The following COL27A1 variants were observed in gnomAD, a reference collection of about 807,000 sequenced individuals.
COL27A1 encodes the protein collagen type XXVII alpha 1 chain, also known as collagen alpha-1(XXVII) chain.
COL27A1 carries 106 observed loss-of-function variants against 251.3 expected under a neutral mutation model. The observed-to-expected ratio is 0.42, with a 90% confidence interval of 0.36 to 0.50. The LOEUF (loss-of-function observed/expected upper bound fraction) is 0.50, where lower values mean the gene tolerates loss of function less well. COL27A1 is among the 20% of genes least tolerant of loss of function. The pLI is 0.00. For synonymous variants in COL27A1, 1,000 were observed against 986.3 expected (o/e 1.01, Z -0.26); for missense variants, 2,325 against 2,522.8 (o/e 0.92, Z 1.68).
rs151285311 is a variant in COL27A1, at chr9:114,169,060, G to T, written c.1505G>T (p.Arg502Leu). The T allele has an allele frequency of 3.7e-6, 6 of 1,613,678 alleles. No homozygotes were observed. The African/African-American group carries it at 8.0e-5, about 22-fold the overall frequency. Residue 502 changes from arginine to leucine, a missense_variant, in exon 3 of 61, where the codon CGG becomes CTG. Physicochemically the swap from Arg to Leu is moderately radical, Grantham distance 102 (BLOSUM62 -2). This residue lies in a region of COL27A1 where 1,183 missense variants were observed against 1,144.1 expected (regional missense o/e 1.03). Transcript: ENST00000356083. ...APTPGSTRSTRPPATMVPPTS... is the reference protein window; with the variant it reads ...APTPGSTRSTLPPATMVPPTS... ...ACTCCTGGTTCTACCAGGAGTACTC[G>T]GCCACCAGCCACGATGGTACCTCCA...
At chr9:114,231,917 C>G (rs372666523) in intron 16 of COL27A1, 51 bp downstream of exon 16, 16 of 1,573,592 alleles carry the variant, frequency 1.0e-5, no homozygotes, top group Admixed American at 8.3e-5. Context: ...ATGCCACCCC[C>G]CTCTCCGCCC....
intron 27 of COL27A1, among the ~76,000 whole-genome samples, chr9:114,258,226 G>A (rs561186817): frequency 1.3e-5 from 2 of 152,282 alleles, no homozygotes; most frequent in African/African-American, 4.8e-5. Flanking sequence ...TCTCATTGTT[G>A]ATTTTGAGGA....
At chr9:114,199,644 G>A (rs1829433919) in intron 7 of COL27A1, among the ~76,000 whole-genome samples, 1 of 152,146 alleles carries the variant, frequency 6.6e-6, no homozygotes, top group South Asian at 2.1e-4. Context: ...GCACCTCCAG[G>A]CAGAAGTGAC....
In COL27A1 at chr9:114,168,185, A is replaced by C. The variant is rs773900818; in HGVS notation, c.630A>C (p.Glu210Asp). The change falls in exon 3 of 61, where the codon GAA becomes GAC. Residue 210 changes from glutamate (E) to aspartate (D), a missense_variant. Transcript: ENST00000356083. ...TGAACCCGCATGCAGTCCAGTTTGAAGGTGCTCTCTGCCAGTTCAGTATCT... is the reference window on the plus strand; with the variant it reads ...TGAACCCGCATGCAGTCCAGTTTGACGGTGCTCTCTGCCAGTTCAGTATCT... ...GKMNPHAVQF[E>D]GALCQFSIYP... 1 of 1,613,726 alleles carries C rather than the reference A, an allele frequency of 6.2e-7. No homozygotes were observed. Among genetic ancestry groups the C allele is most frequent in the African/African-American group, 1.3e-5 (1 of 74,930 alleles).
intron 57 of COL27A1, chr9:114,306,231 C>T: frequency 3.4e-6 from 1 of 297,612 alleles, no homozygotes; most frequent in Non-Finnish European, 6.3e-6. Flanking sequence ...GTGTCCCACG[C>T]ACCCTCGCCT....
intron 31 of COL27A1, 41 bp from the exon 32 acceptor site, chr9:114,265,381 G>T: frequency 6.3e-7 from 1 of 1,597,948 alleles, no homozygotes; most frequent in Admixed American, 1.7e-5. Flanking sequence ...GGCAGAGAAG[G>T]CCATGGAGGG....
chr9:114,250,931 C>T (rs1046529210), intron 25 of COL27A1, among the ~76,000 whole-genome samples: 11 of 152,168 alleles, frequency 7.2e-5, no homozygotes, highest in Non-Finnish European at 1.2e-4. Context: ...GGGCTCCTCA[C>T]AGCTGCCTAC....
At chr9:114,304,745 G>C in intron 57 of COL27A1, 72 bp downstream of exon 57, 1 of 1,337,072 alleles carries the variant, frequency 7.5e-7, no homozygotes, top group Non-Finnish European at 1.1e-6. Context: ...GCCCACATGT[G>C]GTCAGTGCCT....
chr9:114,265,529 G>T, intron 32 of COL27A1, 54 bp downstream of exon 32: 1 of 1,549,622 alleles, frequency 6.5e-7, no homozygotes, highest in Non-Finnish European at 8.9e-7. Flanking sequence ...ACCTGGGGGT[G>T]TGGGCCAGGT....
intron 39 of COL27A1, among the ~76,000 whole-genome samples, chr9:114,283,005 G>T (rs1435496986): frequency 3.3e-5 from 5 of 152,234 alleles, no homozygotes; most frequent in Non-Finnish European, 5.9e-5. Flanking sequence ...TTGCTGGGCT[G>T]CTCTGAAGGA....
intron 5 of COL27A1, among the ~76,000 whole-genome samples, chr9:114,192,355 T>C (rs1326679060): frequency 6.6e-6 from 1 of 152,178 alleles, no homozygotes; most frequent in Non-Finnish European, 1.5e-5. Context: ...AGGTCTGGCC[T>C]TGTACCATGG....
At chr9:114,297,534 A>T (rs1009432318) in intron 49 of COL27A1, among the ~76,000 whole-genome samples, 1 of 152,254 alleles carries the variant, frequency 6.6e-6, no homozygotes, top group Non-Finnish European at 1.5e-5. Flanking sequence ...GTTGGAAATC[A>T]ATCAATGTAA....
At chr9:114,220,719 C>T (rs758964056) in intron 13 of COL27A1, among the ~76,000 whole-genome samples, 7 of 152,094 alleles carry the variant, frequency 4.6e-5, no homozygotes, top group Admixed American at 6.5e-5. Flanking sequence ...TGAGGCCGGG[C>T]GCAGTGGCTC....
intron 29 of COL27A1, 74 bp from the exon 30 acceptor site, chr9:114,264,850 G>A: frequency 6.7e-7 from 1 of 1,501,602 alleles, no homozygotes; most frequent in Non-Finnish European, 9.1e-7. Context: ...TATCTCCCAT[G>A]TGGAGGGGTC....
intron 37 of COL27A1, among the ~76,000 whole-genome samples, chr9:114,277,890 G>T (rs1454471876): frequency 6.6e-6 from 1 of 152,162 alleles, no homozygotes; most frequent in Non-Finnish European, 1.5e-5. Context: ...GAGTATCATG[G>T]CTGTGGAATG....
Position 114,311,883 on chromosome 9 carries a change from A to G in COL27A1, c.*1188A>G, listed in dbSNP as rs762849090. ...CCGCATCGCCTCTTCCGAGGTCCTCACTTCCAGGAGCCTGTCCTTGCAAGA... is the reference window on the plus strand; with the variant it reads ...CCGCATCGCCTCTTCCGAGGTCCTCGCTTCCAGGAGCCTGTCCTTGCAAGA... On this transcript the variant is annotated 3_prime_UTR_variant, in exon 61 of 61. Transcript: ENST00000356083. The G allele has an allele frequency of 6.6e-6, 1 of 152,224 alleles. No individual in the cohort carries two copies. The highest frequency in any genetic ancestry group is 1.5e-5 in the Non-Finnish European group (1 of 68,038). 9.4% of individuals were successfully genotyped at this position (152,224 alleles called of 1,614,324 possible). A position where few individuals can be genotyped will look rare whatever the true frequency, so the allele number is the denominator to read the frequency against.
At chr9:114,206,326 G>T (rs771486920) in intron 10 of COL27A1, 30 bp downstream of exon 10, 19 of 1,612,818 alleles carry the variant, frequency 1.2e-5, no homozygotes, top group Admixed American at 5.0e-5. Context: ...TGCCACATGG[G>T]TGGGGTTCTA....
chr9:114,312,209 AT>A lies in COL27A1; in HGVS notation c.*1519del, dbSNP rs1407526725. The A allele has an allele frequency of 8.5e-5, 13 of 152,066 alleles. No homozygotes were observed. Among genetic ancestry groups the A allele is most frequent in the Admixed American group, 7.9e-4 (12 of 15,272 alleles). 9.4% of individuals were successfully genotyped at this position (152,066 alleles called of 1,614,324 possible). On this transcript the variant is annotated 3_prime_UTR_variant, in exon 61 of 61. Coordinates refer to ENST00000356083, the MANE Select transcript of COL27A1 (RefSeq NM_032888.4). ...TGTGTCTCTTTGGGAATTGGATTTGATTTTTATTATTTAATACCTCACTTTG... is the reference window on the plus strand; with the variant it reads ...TGTGTCTCTTTGGGAATTGGATTTGATTTTATTATTTAATACCTCACTTTG...
chr9:114,294,108 C>T (rs1319509852), intron 49 of COL27A1, among the ~76,000 whole-genome samples: 7 of 150,094 alleles, frequency 4.7e-5, no homozygotes, highest in Non-Finnish European at 7.4e-5. Context: ...ATTAGCCAGG[C>T]GTGGTGGCGC....
Sources: gnomAD v4.1 joint callset for allele counts (sites outside exome capture counted in the v4.1 genomes callset) on GRCh38, gnomAD v4.1.1 for gene constraint, gnomAD v4.1.1 regional missense constraint, MANE v1.5 for transcripts, NCBI Gene and HGNC (gene_info 2026-07-23, HGNC 2026-07-21) for gene names.